NBPF9: variants seen among roughly 807,000 people sequenced by gnomAD.
NBPF9 encodes the protein NBPF member 9, also known as NBPF family member NBPF9.
A neutral mutation model predicts 97.8 loss-of-function variants in NBPF9; 91 were observed. That is an observed-to-expected ratio of 0.93 (90% CI 0.79 to 1.11). The LOEUF is 1.11. Among genes scored for constraint, NBPF9 ranks in the 50% least tolerant of loss-of-function variants. NBPF9 has a pLI of 0.00. For missense variants in NBPF9, 992 were observed against 939.5 expected, an observed-to-expected ratio of 1.06 and a Z score of -0.73; for synonymous variants, 334 against 359.5, an observed-to-expected ratio of 0.93 and a Z score of 0.80.
chr1:149,074,537 C>T (rs1387325420), intron 12 of NBPF9, among the ~76,000 whole-genome samples: 6 of 151,398 alleles, frequency 4.0e-5, no homozygotes, highest in Non-Finnish European at 8.9e-5. Flanking sequence ...AGAAACAGCT[C>T]ATGTAATTCA....
At chr1:149,087,318 AATATAT>A (rs61093688) in intron 5 of NBPF9, among the ~76,000 whole-genome samples, 1 of 146,420 alleles carries the variant, frequency 6.8e-6, no homozygotes, top group Non-Finnish European at 1.5e-5. Context: ...CAAAACGGTG[AATATAT>A]ATATATATAC....
In NBPF9 at chr1:149,071,001, T is replaced by G. The variant is rs1383173475; in HGVS notation, c.1518A>C (p.Lys506Asn). The G allele has an allele frequency of 5.6e-6, 9 of 1,612,150 alleles. No individual in the cohort carries two copies. The Admixed American group carries it at 1.3e-4, about 24-fold the overall frequency. ...ATGAGCCAATGAGAGTTGAGTCGAC[T>G]TTGTCTTCCTCAAATGTGATTTTGG... Residue 506 changes from lysine (K) to asparagine (N), a missense_variant, in exon 16 of 30, where the codon AAA becomes AAC. This residue lies in a region of NBPF9 where 151 missense variants were observed against 132.8 expected (regional missense o/e 1.14). Transcript: ENST00000584027.
At chr1:149,059,158 G>C (rs1575822559) in intron 25 of NBPF9, 61 bp from the exon 26 acceptor site, 2 of 415,592 alleles carry the variant, frequency 4.8e-6, no homozygotes, top group Admixed American at 4.0e-5. Flanking sequence ...CACAGCCCCA[G>C]CTAGATTTCA....
exon 14 of NBPF9, chr1:149,072,718 C>T: frequency 6.2e-7 from 1 of 1,611,768 alleles, no homozygotes; most frequent in African/African-American, 1.3e-5. Flanking sequence ...GCCACCTTAC[C>T]TGGGCTGAGC....
chr1:149,053,902 A>G (rs587685768), downstream of NBPF9: 4 of 144,844 alleles, frequency 2.8e-5, no homozygotes, highest in African/African-American at 1.1e-4. Context: ...ACACACACAG[A>G]CACACACACA....
At chr1:149,099,960 C>G (rs1553245624) in intron 3 of NBPF9, among the ~76,000 whole-genome samples, 4 of 140,496 alleles carry the variant, frequency 2.8e-5, no homozygotes, top group African/African-American at 1.0e-4. Flanking sequence ...CCAGCCTGGG[C>G]AACAGAGCGA....
chr1:149,071,079 G>C (rs1553652843), exon 16 of NBPF9: 1 of 1,610,188 alleles, frequency 6.2e-7, no homozygotes. Context: ...TTGAATAAGT[G>C]ATGGCACATT....
At chr1:149,059,890 G>A in intron 24 of NBPF9, 82 bp from the exon 25 acceptor site, 1 of 484,796 alleles carries the variant, frequency 2.1e-6, no homozygotes, top group Non-Finnish European at 3.8e-6. Flanking sequence ...TCCTCACACA[G>A]GGACCTCAGG....
intron 5 of NBPF9, among the ~76,000 whole-genome samples, chr1:149,086,411 A>G (rs1457871610): frequency 2.0e-5 from 3 of 149,632 alleles, no homozygotes; most frequent in Non-Finnish European, 3.0e-5. Flanking sequence ...AACAGGAGCC[A>G]TTTAGTATTA....
At chr1:149,052,349 G>T (rs1232069342), downstream of NBPF9, among the ~76,000 whole-genome samples, 5 of 151,608 alleles carry the variant, frequency 3.3e-5, no homozygotes, top group Admixed American at 3.3e-4. Context: ...ATGACAAAGG[G>T]CATGTGTGAT....
At chr1:149,103,516 G>C (rs1231263319) in exon 1 of NBPF9, 2 of 152,262 alleles carry the variant, frequency 1.3e-5, no homozygotes, top group African/African-American at 4.8e-5. Context: ...CATAGCCTGC[G>C]GCCAGCTGGA....
chr1:149,074,058 A>C (rs4125378), intron 12 of NBPF9, among the ~76,000 whole-genome samples, 188 bp from the exon 13 acceptor site: 2,018 of 150,886 alleles, frequency 0.013, 82 homozygotes, highest in Middle Eastern at 0.021. Context: ...CCAAAATTTA[A>C]AGACGAAGAA....
chr1:149,064,445 C>A (rs1276261220), exon 19 of NBPF9: 1 of 1,248,600 alleles, frequency 8.0e-7, no homozygotes, highest in Non-Finnish European at 1.1e-6. Context: ...GACCTGTTGC[C>A]TCTTGGTCCT....
intron 5 of NBPF9, among the ~76,000 whole-genome samples, chr1:149,087,148 T>G (rs2081068623): frequency 1.3e-5 from 2 of 152,146 alleles, no homozygotes; most frequent in Middle Eastern, 3.4e-3. Context: ...TTTCCTATGC[T>G]AATTGACCAT....
chr1:149,068,150 C>A (rs1279469032), intron 17 of NBPF9, among the ~76,000 whole-genome samples: 1 of 148,738 alleles, frequency 6.7e-6, no homozygotes, highest in South Asian at 2.2e-4. Flanking sequence ...AAGGAACAAC[C>A]GGTACCAGCC....
chr1:149,097,036 G>A (rs2081812756), intron 4 of NBPF9, among the ~76,000 whole-genome samples: 1 of 149,386 alleles, frequency 6.7e-6, no homozygotes, highest in African/African-American at 2.5e-5. Flanking sequence ...AAAGAAGAAA[G>A]GAAGAAAGGA....
intron 29 of NBPF9, 59 bp from the exon 30 acceptor site, chr1:149,055,958 C>G (rs1378970639): frequency 1.9e-6 from 3 of 1,611,354 alleles, no homozygotes; most frequent in African/African-American, 2.7e-5. Flanking sequence ...CACAGAGCCC[C>G]ACTAGATTTC....
exon 14 of NBPF9, chr1:149,072,918 A>G: frequency 6.2e-7 from 1 of 1,607,156 alleles, no homozygotes; most frequent in Non-Finnish European, 8.5e-7. Context: ...AGCGTGAACC[A>G]GGACTTTATA....
chr1:149,068,407 G>T (rs1255716085), intron 17 of NBPF9, among the ~76,000 whole-genome samples: 1 of 150,248 alleles, frequency 6.7e-6, no homozygotes, highest in Admixed American at 6.6e-5. Flanking sequence ...ACACACATAG[G>T]CTCAAAATAA....
Sources: gnomAD v4.1 joint callset for allele counts (sites outside exome capture counted in the v4.1 genomes callset) on GRCh38, gnomAD v4.1.1 for gene constraint, gnomAD v4.1.1 regional missense constraint, MANE v1.5 for transcripts, NCBI Gene and HGNC (gene_info 2026-07-23, HGNC 2026-07-21) for gene names.